Variants in C8orf82 observed in about 807,000 individuals in gnomAD.
C8orf82 encodes chromosome 8 open reading frame 82, also known as UPF0598 protein C8orf82.
In C8orf82, 24 loss-of-function variants were observed where a neutral mutation model predicts 15.0. The ratio of observed to expected loss-of-function variants is 1.60; its 90% CI spans 1.16 to 2.24. The LOEUF (loss-of-function observed/expected upper bound fraction) is 2.24. C8orf82 is among the 30% of genes most tolerant of loss of function. The probability of loss-of-function intolerance (pLI) is 0.00; values close to 1 mark genes in which losing one functional copy is unlikely to be tolerated. For missense variants in C8orf82, 388 were observed against 317.4 expected (o/e 1.22, Z -1.69); for synonymous variants, 205 against 152.2 (o/e 1.35, Z -2.55).
chr8:144,528,875 C>A lies in C8orf82; in HGVS notation c.42G>T (p.Ala14=). The A allele has an allele frequency of 6.6e-7, 1 of 1,518,680 alleles. No homozygotes were observed. Among genetic ancestry groups the A allele is most frequent in the Non-Finnish European group, 8.8e-7 (1 of 1,135,150 alleles). 94.1% of individuals were successfully genotyped at this position (1,518,680 alleles called of 1,614,324 possible). ...TGCAGGCCCGGGCTCCCCGCGACCGCGCCAAGGCCAGGGTCCGGAGCGTCC... is the reference window on the plus strand; with the variant it reads ...TGCAGGCCCGGGCTCCCCGCGACCGAGCCAAGGCCAGGGTCCGGAGCGTCC... The part of the protein sequence containing the change: ...PCGTLRTLAL[A]RSRGARACSG... Residue 14 remains alanine, a synonymous_variant, in exon 1 of 3, where the codon GCG becomes GCT. Coordinates refer to ENST00000524821, the MANE Select transcript of C8orf82 (RefSeq NM_001001795.2).
At chr8:144,528,687 A>ACCC in intron 1 of C8orf82, 74 bp downstream of exon 1, 1 of 30,288 alleles carries the variant, frequency 3.3e-5, no homozygotes, top group South Asian at 3.3e-4. Flanking sequence ...CCACAGAGCC[A>ACCC]CGCCCCCCCC....
rs1364532717 is a variant in C8orf82, at chr8:144,527,247, C to T, written c.*95G>A. On this transcript the variant is annotated 3_prime_UTR_variant, in exon 3 of 3. Transcript: ENST00000524821. ...CGAGCGCGCAGGCGCACTAGGCTGCCGCGAGCGCGGGTGGCGCGGGCTTTC... is the reference window on the plus strand; with the variant it reads ...CGAGCGCGCAGGCGCACTAGGCTGCTGCGAGCGCGGGTGGCGCGGGCTTTC... 7.7e-6 allele frequency: 7 copies of T among 904,264 alleles called. No individual in the cohort carries two copies. The highest frequency in any genetic ancestry group is 3.6e-5 in the African/African-American group (2 of 55,990). The allele number at this position is 904,264 out of a possible 1,614,324, so 56.0% of individuals were successfully genotyped here.
At position 144,528,957 on chromosome 8, in the gene C8orf82, G is replaced by A; in HGVS notation, c.-41C>T. On this transcript the variant is annotated 5_prime_UTR_variant, in exon 1 of 3. Transcript: ENST00000524821. ...GAAGCGACCAGCAGGTCACGCCGGG[G>A]GCGGTGCTGCGCGAACTCGCGCCTG... is the stretch of plus-strand genomic sequence containing the variant. 2 of 1,480,690 alleles carry A rather than the reference G, an allele frequency of 1.4e-6. No individual in the cohort carries two copies. Among genetic ancestry groups the A allele is most frequent in the East Asian group, 3.0e-5 (1 of 33,750 alleles). The allele number at this position is 1,480,690 out of a possible 1,614,324, so 91.7% of individuals were successfully genotyped here.
Position 144,527,371 on chromosome 8 carries a change from G to C in C8orf82, c.622C>G (p.Pro208Ala), listed in dbSNP as rs1236591072. Residue 208 changes from proline (P) to alanine (A), a missense_variant, in exon 3 of 3, where the codon CCG becomes GCG. Pro to Ala is a conservative substitution (Grantham distance 27, BLOSUM62 -1). Transcript: ENST00000524821. ...GGCGACCGAGCCGCGAGCAGCAGCG[G>C]GGCCAGGTCCATGGTGAGGGCGAGG... ...RRLALTMDLA[P>A]LLLAARSP The C allele has an allele frequency of 8.1e-7, 1 of 1,227,574 alleles. No homozygotes were observed. Among genetic ancestry groups the C allele is most frequent in the African/African-American group, 1.6e-5 (1 of 62,116 alleles). 76.0% of individuals were successfully genotyped at this position (1,227,574 alleles called of 1,614,324 possible).
At position 144,527,273 on chromosome 8, in the gene C8orf82, C is replaced by T. The variant is rs1816400982; in HGVS notation, c.*69G>A. ...GCGAGCGCGGGTGGCGCGGGCTTTC[C>T]GGGGCGTGGAGTCCCGGGGGAGCGG... On this transcript the variant is annotated 3_prime_UTR_variant, in exon 3 of 3. Coordinates refer to ENST00000524821, the MANE Select transcript of C8orf82 (RefSeq NM_001001795.2). The T allele has an allele frequency of 1.0e-5, 11 of 1,066,310 alleles. No homozygotes were observed. Among genetic ancestry groups the T allele is most frequent in the East Asian group, 4.4e-5 (1 of 22,566 alleles). The allele number at this position is 1,066,310 out of a possible 1,614,324, so 66.1% of individuals were successfully genotyped here.
At position 144,528,775 on chromosome 8, in the gene C8orf82, C is replaced by G; in HGVS notation, c.142G>C (p.Asp48His). ...CCCCCGCCCACCTGGCCCTGGTGGT[C>G]CACGTAGTAGAAATACTCGCGGGTC... ...PRTREYFYYV[D>H]HQGQLFLDDS... is the part of the protein sequence containing the mutation. Residue 48 changes from aspartate to histidine, a missense_variant, in exon 1 of 3, where the codon GAC becomes CAC. Physicochemically the swap from Asp to His is moderately conservative, Grantham distance 81. Coordinates refer to ENST00000524821, the MANE Select transcript of C8orf82 (RefSeq NM_001001795.2). 1 of 1,348,290 alleles carries G rather than the reference C, an allele frequency of 7.4e-7. No homozygotes were observed. The highest frequency in any genetic ancestry group is 9.7e-7 in the Non-Finnish European group (1 of 1,035,012). The allele number at this position is 1,348,290 out of a possible 1,614,324, so 83.5% of individuals were successfully genotyped here.
In C8orf82 at chr8:144,527,245, G is replaced by A. The variant is rs1816399566; in HGVS notation, c.*97C>T. 2 of 882,966 alleles carry A rather than the reference G, an allele frequency of 2.3e-6. No homozygotes were observed. The highest frequency in any genetic ancestry group is 3.6e-5 in the African/African-American group (2 of 55,832). The allele number at this position is 882,966 out of a possible 1,614,324, so 54.7% of individuals were successfully genotyped here. A position where few individuals can be genotyped will look rare whatever the true frequency, so the allele number is the denominator to read the frequency against. ...GCCGAGCGCGCAGGCGCACTAGGCT[G>A]CCGCGAGCGCGGGTGGCGCGGGCTT... is the stretch of plus-strand genomic sequence containing the variant. On this transcript the variant is annotated 3_prime_UTR_variant, in exon 3 of 3. Transcript: ENST00000524821.
At chr8:144,528,232 T>C in intron 1 of C8orf82, 160 bp from the exon 2 acceptor site, 1 of 1,485,252 alleles carries the variant, frequency 6.7e-7, no homozygotes, top group Non-Finnish European at 9.0e-7. Flanking sequence ...AAGGTAAACC[T>C]GGGGGCCCCG....
intron 1 of C8orf82, 169 bp downstream of exon 1, chr8:144,528,592 C>T: frequency 2.6e-6 from 3 of 1,162,146 alleles, no homozygotes; most frequent in South Asian, 1.8e-5. Context: ...TCTGAGGAGT[C>T]GAGGTTGCCC....
intron 2 of C8orf82, 91 bp downstream of exon 2, chr8:144,527,933 G>A: frequency 1.3e-6 from 2 of 1,513,518 alleles, no homozygotes; most frequent in Non-Finnish European, 1.8e-6. Flanking sequence ...CCACTCCTTG[G>A]TGCGCTGGGC....
In C8orf82 at chr8:144,528,425, C is replaced by T. The variant is rs1044561182; in HGVS notation, c.156+336G>A. ...GCTTCCAAAAAAAGGCAGGGCGGCC[C>T]GGGTGTCTCCCTGGCAGCGGCGAGA... is the stretch of plus-strand genomic sequence containing the variant. On this transcript the variant is annotated intron_variant, in intron 1 of 2. Coordinates refer to ENST00000524821, the MANE Select transcript of C8orf82 (RefSeq NM_001001795.2). 8.1e-6 allele frequency: 12 copies of T among 1,485,894 alleles called. No homozygotes were observed. The East Asian group carries it at 3.0e-4, about 37-fold the overall frequency. 92.0% of individuals were successfully genotyped at this position (1,485,894 alleles called of 1,614,324 possible).
chr8:144,528,584 TGAG>T (rs1400590708), intron 1 of C8orf82, 174 bp downstream of exon 1: 3 of 1,204,414 alleles, frequency 2.5e-6, no homozygotes, highest in South Asian at 1.8e-5. Flanking sequence ...CCTCCAGCTC[TGAG>T]GAGTCGAGGT....
intron 1 of C8orf82, 141 bp downstream of exon 1, chr8:144,528,620 C>T (rs534742671): frequency 3.6e-4 from 51 of 141,644 alleles, no homozygotes; most frequent in Non-Finnish European, 4.9e-4. Flanking sequence ...AGGCCCCGCC[C>T]ACCCACCCAC....
At chr8:144,528,199 A>G in intron 1 of C8orf82, 127 bp from the exon 2 acceptor site, 5 of 1,511,910 alleles carry the variant, frequency 3.3e-6, no homozygotes, top group Non-Finnish European at 4.4e-6. Context: ...GTCTGTGCAC[A>G]CCGCATGCAG....
chr8:144,527,994 A>G (rs370461870), intron 2 of C8orf82, 30 bp downstream of exon 2: 290 of 1,609,466 alleles, frequency 1.8e-4, no homozygotes, highest in Non-Finnish European at 2.3e-4. Flanking sequence ...AGGGAGAAAG[A>G]AGGGGCTGGA....
rs373651571 is a variant in C8orf82 at position 144,528,941 on chromosome 8, A to G, written c.-25T>C. 20 of 1,496,456 alleles carry G rather than the reference A, an allele frequency of 1.3e-5. No homozygotes were observed. The highest frequency in any genetic ancestry group is 1.7e-5 in the Non-Finnish European group (19 of 1,126,820). The allele number at this position is 1,496,456 out of a possible 1,614,324, so 92.7% of individuals were successfully genotyped here. On this transcript the variant is annotated 5_prime_UTR_variant, in exon 1 of 3. Transcript: ENST00000524821. Reference sequence around the variant, plus strand: ...TTCTCCTCCCGCGCCGGAAGCGACCAGCAGGTCACGCCGGGGGCGGTGCTG... The same window carrying G: ...TTCTCCTCCCGCGCCGGAAGCGACCGGCAGGTCACGCCGGGGGCGGTGCTG...
rs1157495949 is a variant in C8orf82, at chr8:144,528,027, T to G, written c.202A>C (p.Lys68Gln). The change falls in exon 2 of 3, where the codon AAA (lysine) becomes CAA (glutamine). Residue 68 changes from lysine (K) to glutamine (Q), a missense_variant. Transcript: ENST00000524821. ...SKMKNFITCFKDPQFLVTFFS... is the reference protein window; with the variant it reads ...SKMKNFITCFQDPQFLVTFFS... The stretch of plus-strand genomic sequence containing the variant: ...GGAGAGGGAGGCACAGCATTACCTT[T>G]GAAGCAGGTGATGAAATTCTTCATT... The G allele has an allele frequency of 6.2e-7, 1 of 1,612,414 alleles. No individual in the cohort carries two copies. The highest frequency in any genetic ancestry group is 8.5e-7 in the Non-Finnish European group (1 of 1,179,766).
rs1318341408 is a variant in C8orf82 at position 144,528,263 on chromosome 8, C to T, written c.157-191G>A. 2.0e-6 allele frequency: 3 copies of T among 1,501,054 alleles called. No homozygotes were observed. The South Asian group carries it at 3.7e-5, about 19-fold the overall frequency. The allele number at this position is 1,501,054 out of a possible 1,614,324, so 93.0% of individuals were successfully genotyped here. A position where few individuals can be genotyped will look rare whatever the true frequency, so the allele number is the denominator to read the frequency against. On this transcript the variant is annotated intron_variant, in intron 1 of 2. Coordinates refer to ENST00000524821, the MANE Select transcript of C8orf82 (RefSeq NM_001001795.2). The stretch of plus-strand genomic sequence containing the variant: ...CCCCGCCGACTTATCCGCGTCTATG[C>T]GCACCTCTGCTCCCTGGTCAGCCAA...
intron 2 of C8orf82, 67 bp from the exon 3 acceptor site, chr8:144,527,854 C>A (rs1055470275): frequency 2.6e-6 from 4 of 1,562,594 alleles, no homozygotes; most frequent in Admixed American, 3.5e-5. Flanking sequence ...CAGGACCATA[C>A]CGAGGGCAGG....
Sources: allele counts gnomAD v4.1 joint callset, GRCh38; gene constraint gnomAD v4.1.1; transcripts MANE v1.5; gene names NCBI Gene and HGNC (gene_info 2026-07-23, HGNC 2026-07-21).